The following SV2C variants were observed in gnomAD, a reference collection of about 807,000 sequenced individuals.
The protein encoded by SV2C is synaptic vesicle glycoprotein 2C.
A neutral mutation model predicts 79.7 loss-of-function variants in SV2C; 49 were observed. That is an observed-to-expected ratio of 0.61 (90% CI 0.49 to 0.78). SV2C has a LOEUF of 0.78. SV2C is among the 30% of genes least tolerant of loss of function. The pLI is 0.00. For missense variants in SV2C, 833 were observed against 912.9 expected (o/e 0.91, Z 1.13); for synonymous variants, 334 against 333.2 (o/e 1.00, Z -0.03).
chr5:76,151,825 A>T (rs1288657021), intron 2 of SV2C, among the ~76,000 whole-genome samples: 1 of 151,960 alleles, frequency 6.6e-6, no homozygotes, highest in Non-Finnish European at 1.5e-5. Flanking sequence ...CACCCAGTGA[A>T]TCTTTGTTGA....
chr5:75,995,800 A>G, the SV2C span, among the ~76,000 whole-genome samples: 2 of 152,110 alleles, frequency 1.3e-5, no homozygotes, highest in African/African-American at 4.8e-5. Flanking sequence ...CCAAATCCCC[A>G]TAGAATAACA....
intron 1 of SV2C, among the ~76,000 whole-genome samples, chr5:76,115,171 G>A (rs16873213): frequency 0.038 from 5,853 of 152,236 alleles, 369 homozygotes; most frequent in African/African-American, 0.13. Context: ...AGGAACAATC[G>A]CGCGTTGGTC....
the SV2C span, among the ~76,000 whole-genome samples, chr5:76,036,825 T>C: frequency 6.6e-6 from 1 of 152,236 alleles, no homozygotes; most frequent in Non-Finnish European, 1.5e-5. Flanking sequence ...TCCTGCATAA[T>C]ATCCTGCAGA....
At chr5:76,130,511 G>A (rs1445719889) in intron 1 of SV2C, among the ~76,000 whole-genome samples, 1 of 152,168 alleles carries the variant, frequency 6.6e-6, no homozygotes, top group African/African-American at 2.4e-5. Context: ...ATCAATGTTT[G>A]GAATGCTGCC....
chr5:75,964,908 T>C, the SV2C span, among the ~76,000 whole-genome samples: 326 of 152,316 alleles, frequency 2.1e-3, no homozygotes, highest in Non-Finnish European at 3.8e-3. Flanking sequence ...TTTTTTAAAC[T>C]AGTTGAGAGA....
At chr5:76,269,276 T>C (rs1746767412) in intron 4 of SV2C, among the ~76,000 whole-genome samples, 1 of 152,184 alleles carries the variant, frequency 6.6e-6, no homozygotes, top group African/African-American at 2.4e-5. Flanking sequence ...GGGGTATAGT[T>C]CTCAGATGTA....
the SV2C span, among the ~76,000 whole-genome samples, chr5:76,000,322 G>A: frequency 6.6e-6 from 1 of 152,120 alleles, no homozygotes; most frequent in Non-Finnish European, 1.5e-5. Flanking sequence ...AGGGAAGCCT[G>A]TGCCATCTGC....
At chr5:76,195,274 C>T (rs1232451250) in intron 3 of SV2C, among the ~76,000 whole-genome samples, 175 bp downstream of exon 3, 3 of 152,114 alleles carry the variant, frequency 2.0e-5, no homozygotes, top group East Asian at 1.9e-4. Flanking sequence ...CCTTTAAATA[C>T]AGGACAGAAG....
At chr5:75,903,768 C>G in the SV2C span, among the ~76,000 whole-genome samples, 3 of 152,308 alleles carry the variant, frequency 2.0e-5, no homozygotes, top group East Asian at 5.8e-4. Context: ...TTTTAGACTT[C>G]AACTTTGTAA....
At chr5:76,195,741 T>C (rs1465785068) in intron 3 of SV2C, among the ~76,000 whole-genome samples, 1 of 152,162 alleles carries the variant, frequency 6.6e-6, no homozygotes, top group Non-Finnish European at 1.5e-5. Context: ...GAATAAGGAA[T>C]ATATGAGAAA....
At chr5:75,996,595 A>G in the SV2C span, among the ~76,000 whole-genome samples, 1 of 151,990 alleles carries the variant, frequency 6.6e-6, no homozygotes. Flanking sequence ...TTTTCACGAT[A>G]TTGATTCTTC....
intron 4 of SV2C, among the ~76,000 whole-genome samples, chr5:76,283,424 T>A (rs1056370685): frequency 1.3e-5 from 2 of 152,228 alleles, no homozygotes; most frequent in African/African-American, 4.8e-5. Context: ...TGGCCTGAAA[T>A]TTAAAACATT....
Position 76,128,416 on chromosome 5 carries a change from A to C in SV2C, c.-101-3234A>C, listed in dbSNP as rs150144193. Among the ~76,000 whole-genome samples, 27 of 152,308 alleles carry C rather than the reference A, an allele frequency of 1.8e-4. No homozygotes were observed. The East Asian group carries it at 5.0e-3, about 28-fold the overall frequency. On this transcript the variant is annotated intron_variant, in intron 1 of 12. Coordinates refer to ENST00000502798, the MANE Select transcript of SV2C (RefSeq NM_014979.4). ...TAAAACAATTTTAGTGTAGGAAAAA[A>C]AGTTACTGGAATACTGGAATGACTA...
intron 1 of SV2C, among the ~76,000 whole-genome samples, chr5:76,085,050 C>G (rs889052823): frequency 1.3e-5 from 2 of 152,352 alleles, no homozygotes; most frequent in East Asian, 3.9e-4. Context: ...AACCTAATCC[C>G]TTCATACTTA....
At chr5:75,858,731 C>T in the SV2C span, among the ~76,000 whole-genome samples, 10,826 of 152,138 alleles carry the variant, frequency 0.071, 863 homozygotes, top group African/African-American at 0.2. Context: ...CATTGGGTCC[C>T]AACTTTTCTT....
At chr5:76,229,547 A>G (rs1217414791) in intron 4 of SV2C, among the ~76,000 whole-genome samples, 4 of 152,192 alleles carry the variant, frequency 2.6e-5, no homozygotes, top group African/African-American at 9.6e-5. Flanking sequence ...CTTCATGCTC[A>G]CCTGTACATA....
chr5:76,036,360 C>T, the SV2C span, among the ~76,000 whole-genome samples: 1 of 152,108 alleles, frequency 6.6e-6, no homozygotes, highest in Admixed American at 6.5e-5. Flanking sequence ...TACATTTTGG[C>T]ATGATTTTGC....
chr5:76,223,478 T>C lies in SV2C; in HGVS notation c.913+13591T>C, dbSNP rs1201826506. Reference sequence around the variant, plus strand: ...ATATATATATATATATATATATATATATATATATATATATATATGTATATG... The same window carrying C: ...ATATATATATATATATATATATATACATATATATATATATATATGTATATG... On this transcript the variant is annotated intron_variant, in intron 4 of 12. Coordinates refer to ENST00000502798, the MANE Select transcript of SV2C (RefSeq NM_014979.4). Among the ~76,000 whole-genome samples, 6 of 67,178 alleles carry C rather than the reference T, an allele frequency of 8.9e-5. No individual in the cohort carries two copies. The South Asian group carries it at 1.2e-3, about 14-fold the overall frequency. 44.1% of individuals were successfully genotyped at this position (67,178 alleles called of 152,430 possible).
intron 12 of SV2C, among the ~76,000 whole-genome samples, chr5:76,319,978 C>A (rs1297350664): frequency 6.6e-6 from 1 of 152,094 alleles, no homozygotes; most frequent in Non-Finnish European, 1.5e-5. Flanking sequence ...TATATCTGGT[C>A]ATTTATGACA....
Sources: gnomAD v4.1 joint callset for allele counts (sites outside exome capture counted in the v4.1 genomes callset) on GRCh38, gnomAD v4.1.1 for gene constraint, MANE v1.5 for transcripts, NCBI Gene and HGNC (gene_info 2026-07-23, HGNC 2026-07-21) for gene names.